The following PCNT variants were observed in gnomAD, a reference collection of about 807,000 sequenced individuals.
PCNT encodes pericentrin.
Under a neutral mutation model 380.4 loss-of-function variants are expected in PCNT, and 319 were observed. The observed-to-expected ratio is 0.84, with a 90% CI of 0.77 to 0.92. The LOEUF (loss-of-function observed/expected upper bound fraction) is 0.92. PCNT is among the 40% of genes least tolerant of loss of function. The pLI is 0.00. For synonymous variants in PCNT, 1,845 were observed against 1,735.2 expected, an observed-to-expected ratio of 1.06 and a Z score of -1.57; for missense variants, 4,400 against 4,255.3, an observed-to-expected ratio of 1.03 and a Z score of -0.95.
At chr21:46,431,194 G>A in intron 37 of PCNT, 1 of 1,225,826 alleles carries the variant, frequency 8.2e-7, no homozygotes. Flanking sequence ...GTGATTTTCT[G>A]AAGAGGGGGC....
chr21:46,416,933 C>T (rs1230796586), intron 30 of PCNT, 94 bp downstream of exon 30: 2 of 1,272,212 alleles, frequency 1.6e-6, no homozygotes, highest in South Asian at 1.3e-5. Context: ...CACCTCCTGA[C>T]AGCACACACC....
chr21:46,361,532 T>C (rs1410210323), intron 13 of PCNT, among the ~76,000 whole-genome samples: 1 of 152,254 alleles, frequency 6.6e-6, no homozygotes, highest in Non-Finnish European at 1.5e-5. Flanking sequence ...CTTCGTCTTC[T>C]GTGCTGCAGT....
Position 46,440,857 on chromosome 21 carries a change from G to A in PCNT, c.9396G>A (p.Met3132Ile). 1 of 1,592,606 alleles carries A rather than the reference G, an allele frequency of 6.3e-7. No individual in the cohort carries two copies. Among genetic ancestry groups the A allele is most frequent in the Non-Finnish European group, 8.6e-7 (1 of 1,160,608 alleles). ...SEEAHTSNVKMEKLYLHYLRA... is the reference protein window; with the variant it reads ...SEEAHTSNVKIEKLYLHYLRA... ...TTTTACTGCTTTTTTTCTTTTAGAT[G>A]GAAAAATTGTACCTGCATTACTTGA... The change falls in exon 43 of 47, where the codon ATG (methionine) becomes ATA (isoleucine). Residue 3132 changes from methionine (M) to isoleucine (I), a missense_variant and splice_region_variant. Coordinates refer to ENST00000359568, the MANE Select transcript of PCNT (RefSeq NM_006031.6).
chr21:46,327,872 T>C (rs572862275), intron 2 of PCNT, among the ~76,000 whole-genome samples: 1 of 152,346 alleles, frequency 6.6e-6, no homozygotes, highest in East Asian at 1.9e-4. Context: ...CCTTGTGAGC[T>C]GCAGGGGCAC....
chr21:46,442,064 T>TG (rs933053241), intron 43 of PCNT, among the ~76,000 whole-genome samples: 2 of 152,174 alleles, frequency 1.3e-5, no homozygotes, highest in African/African-American at 2.4e-5. Flanking sequence ...CTGCGAGGGC[T>TG]GGGGTCTCCG....
At chr21:46,385,773 C>G (rs2085807672) in intron 16 of PCNT, 59 bp from the exon 17 acceptor site, 2 of 1,560,064 alleles carry the variant, frequency 1.3e-6, no homozygotes, top group East Asian at 2.2e-5. Context: ...AAGTCCCTTA[C>G]AGCCATTTGC....
intron 15 of PCNT, among the ~76,000 whole-genome samples, chr21:46,378,230 A>G (rs918368356): frequency 6.6e-6 from 1 of 151,888 alleles, no homozygotes; most frequent in Non-Finnish European, 1.5e-5. Flanking sequence ...AACCCCTTAT[A>G]TGCTGTTTTT....
At chr21:46,381,315 G>C (rs1350991922) in intron 15 of PCNT, among the ~76,000 whole-genome samples, 1 of 151,700 alleles carries the variant, frequency 6.6e-6, no homozygotes, top group Non-Finnish European at 1.5e-5. Flanking sequence ...TCTTTTAAAA[G>C]GGAAGGAACC....
rs760695697 is a variant in PCNT, at chr21:46,442,623, A to G, written c.9700+50A>G. 22 of 1,144,504 alleles carry G rather than the reference A, an allele frequency of 1.9e-5. No individual in the cohort carries two copies. In the Admixed American group the frequency reaches 3.1e-4, roughly 16 times the overall value. 70.9% of individuals were successfully genotyped at this position (1,144,504 alleles called of 1,614,324 possible). On this transcript the variant is annotated intron_variant, in intron 44 of 46. Transcript: ENST00000359568. ...GCTGGACTCACAAACCTTTCTTTCT[A>G]CTCTTGTTTTTCATTCACTTTGGGT...
chr21:46,370,230 G>T (rs925102343), intron 15 of PCNT, among the ~76,000 whole-genome samples: 5 of 151,988 alleles, frequency 3.3e-5, no homozygotes, highest in South Asian at 2.1e-4. Flanking sequence ...CATCCGGGGG[G>T]GGGTGTCTTT....
At chr21:46,335,732 GC>G (rs2083714345) in intron 3 of PCNT, among the ~76,000 whole-genome samples, 5 of 142,900 alleles carry the variant, frequency 3.5e-5, no homozygotes, top group Admixed American at 1.5e-4. Context: ...TTGCTCTATT[GC>G]CCAGGCTGGT....
intron 29 of PCNT, 22 bp from the exon 30 acceptor site, chr21:46,416,047 A>C (rs1255935812): frequency 6.2e-7 from 1 of 1,613,588 alleles, no homozygotes. Context: ...TCCACCGTGC[A>C]CCTGTTCTGT....
chr21:46,336,183 G>A (rs1325506980), intron 3 of PCNT, among the ~76,000 whole-genome samples: 2 of 152,016 alleles, frequency 1.3e-5, no homozygotes, highest in East Asian at 1.9e-4. Flanking sequence ...CATCATATTG[G>A]TCAGACTGGT....
intron 3 of PCNT, among the ~76,000 whole-genome samples, chr21:46,344,087 T>C (rs1192565347): frequency 2.0e-5 from 3 of 151,028 alleles, no homozygotes; most frequent in South Asian, 2.1e-4. Context: ...TTTTTTGAGA[T>C]GGAGTATCGC....
rs552854585 is a variant in PCNT, at chr21:46,380,145, A to ATT, written c.3166-1512_3166-1511dup. ...GTTTCCAACCGGTGCCCTGGGGTAG[A>ATT]TTTTTTTTTTTTTTTTTTTTTTTTT... On this transcript the variant is annotated intron_variant, in intron 15 of 46. Transcript: ENST00000359568. Among the ~76,000 whole-genome samples the ATT allele has an allele frequency of 6.2e-3, 368 of 59,702 alleles. 53 individuals are homozygous for ATT. Among genetic ancestry groups the ATT allele is most frequent in the Non-Finnish European group, 7.6e-3 (265 of 34,974 alleles). 39.2% of individuals were successfully genotyped at this position (59,702 alleles called of 152,430 possible). A position where few individuals can be genotyped will look rare whatever the true frequency, so the allele number is the denominator to read the frequency against.
chr21:46,376,883 A>G (rs1241618987), intron 15 of PCNT, among the ~76,000 whole-genome samples: 4 of 152,302 alleles, frequency 2.6e-5, no homozygotes, highest in African/African-American at 9.6e-5. Flanking sequence ...AATCCAGGAG[A>G]GAAAGTTGAT....
intron 1 of PCNT, chr21:46,325,255 G>A: frequency 1.0e-6 from 1 of 954,734 alleles, no homozygotes; most frequent in Non-Finnish European, 1.2e-6. Flanking sequence ...GGGTGCTGGG[G>A]AAGAGCGGGG....
chr21:46,374,240 TTGTTTAGAAGCAAATCCAAGACACCA>T (rs1242109791), intron 15 of PCNT, among the ~76,000 whole-genome samples: 2 of 152,130 alleles, frequency 1.3e-5, no homozygotes, highest in Non-Finnish European at 2.9e-5. Flanking sequence ...CTCCTCCTGA[TTGTTTAGAAGCAAATCCAAGACACCA>T]TGTGTCTGCG....
chr21:46,357,617 C>T (rs1275475130), intron 13 of PCNT, among the ~76,000 whole-genome samples: 1 of 152,082 alleles, frequency 6.6e-6, no homozygotes, highest in Non-Finnish European at 1.5e-5. Flanking sequence ...TTTGTAGAGA[C>T]AGGGTTTCAC....
Sources: gnomAD v4.1 joint callset for allele counts (sites outside exome capture counted in the v4.1 genomes callset) on GRCh38, gnomAD v4.1.1 for gene constraint, MANE v1.5 for transcripts, NCBI Gene and HGNC (gene_info 2026-07-23, HGNC 2026-07-21) for gene names.